The following USP34 variants were observed in gnomAD, a reference collection of about 807,000 sequenced individuals.
USP34 encodes the protein ubiquitin specific peptidase 34.
In USP34, 70 loss-of-function variants were observed where a neutral mutation model predicts 460.3. The ratio of observed to expected loss-of-function variants is 0.15; its 90% CI spans 0.13 to 0.19. The LOEUF (loss-of-function observed/expected upper bound fraction) is 0.19, where lower values mean the gene tolerates loss of function less well. USP34 is among the 10% of genes least tolerant of loss of function. USP34 has a pLI of 1.00. For missense variants in USP34, 3,985 were observed against 4,236.2 expected (o/e 0.94, Z 1.65); for synonymous variants, 1,647 against 1,405.3 (o/e 1.17, Z -3.85).
chr2:61,331,958 T>C (rs1173396728), intron 19 of USP34, among the ~76,000 whole-genome samples: 1 of 152,096 alleles, frequency 6.6e-6, no homozygotes, highest in Non-Finnish European at 1.5e-5. Flanking sequence ...TGCTAAAATG[T>C]ACAGATGTAG....
intron 1 of USP34, among the ~76,000 whole-genome samples, chr2:61,464,227 G>C (rs895473032): frequency 6.6e-6 from 1 of 152,140 alleles, no homozygotes; most frequent in African/African-American, 2.4e-5. Flanking sequence ...GATGAGGCAG[G>C]AGAATCACTT....
intron 69 of USP34, among the ~76,000 whole-genome samples, chr2:61,209,529 T>C (rs901581428): frequency 2.6e-5 from 4 of 152,216 alleles, no homozygotes; most frequent in African/African-American, 9.6e-5. Context: ...TTCATAGCCA[T>C]GGTAACATTC....
chr2:61,389,738 AT>A (rs934637577), intron 5 of USP34, among the ~76,000 whole-genome samples: 4 of 150,946 alleles, frequency 2.6e-5, no homozygotes, highest in African/African-American at 4.9e-5. Context: ...GTCCTTTATC[AT>A]TTTTTTTTAA....
chr2:61,366,275 A>G (rs1008660563), intron 10 of USP34, among the ~76,000 whole-genome samples: 1 of 152,200 alleles, frequency 6.6e-6, no homozygotes, highest in Non-Finnish European at 1.5e-5. Flanking sequence ...AGCTCAGAGT[A>G]AGTTGTAAGA....
intron 7 of USP34, among the ~76,000 whole-genome samples, 177 bp from the exon 8 acceptor site, chr2:61,378,601 G>C (rs1365841925): frequency 6.6e-6 from 1 of 151,982 alleles, no homozygotes; most frequent in African/African-American, 2.4e-5. Context: ...AACTATTTCT[G>C]TTATATTAAA....
At chr2:61,297,023 A>C (rs1304858568) in intron 29 of USP34, 98 bp from the exon 30 acceptor site, 6 of 1,453,320 alleles carry the variant, frequency 4.1e-6, no homozygotes, top group Middle Eastern at 2.5e-4. Context: ...ATTTGCTAAT[A>C]GTTTTTAGCC....
rs1383762257 is a variant in USP34 at position 61,187,691 on chromosome 2, GATA to G, written c.*408_*410del. On this transcript the variant is annotated 3_prime_UTR_variant, in exon 80 of 80. Transcript: ENST00000398571. ...TCCGTATACAAGTAAACTTAATTTT[GATA>G]ATAAGAACCACAGCGATCGGAGGCA... is the stretch of plus-strand genomic sequence containing the variant. 7 of 510,568 alleles carry G rather than the reference GATA, an allele frequency of 1.4e-5. No individual in the cohort carries two copies. Among genetic ancestry groups the G allele is most frequent in the African/African-American group, 4.2e-5 (2 of 47,602 alleles). The allele number at this position is 510,568 out of a possible 1,614,324, so 31.6% of individuals were successfully genotyped here.
Position 61,190,357 on chromosome 2 carries a change from T to A in USP34, c.9787A>T (p.Thr3263Ser). 6.2e-7 allele frequency: 1 copy of A among 1,613,758 alleles called. No homozygotes were observed. Among genetic ancestry groups the A allele is most frequent in the Non-Finnish European group, 8.5e-7 (1 of 1,179,914 alleles). ...TTCTGATACTGGCTTATCAAGTTTG[T>A]AATAAGAGTGCTGATCAAATTGGCA... ...NCANLISTLI[T>S]NLISQYQNLQ... Residue 3263 changes from threonine to serine, a missense_variant, in exon 78 of 80, where the codon ACA (threonine) becomes TCA (serine). Coordinates refer to ENST00000398571, the MANE Select transcript of USP34 (RefSeq NM_014709.4).
At chr2:61,469,795 C>T (rs892324034) in intron 1 of USP34, among the ~76,000 whole-genome samples, 2 of 152,134 alleles carry the variant, frequency 1.3e-5, no homozygotes. Context: ...TAGGCCTTTA[C>T]GCCCAGAAGT....
intron 13 of USP34, 65 bp downstream of exon 13, chr2:61,349,185 G>T: frequency 1.3e-6 from 2 of 1,524,772 alleles, no homozygotes; most frequent in Non-Finnish European, 8.9e-7. Context: ...TAAAATCAAT[G>T]AACTCTAGAA....
chr2:61,237,554 ATTTT>A (rs71403400), intron 53 of USP34, among the ~76,000 whole-genome samples: 132 of 45,132 alleles, frequency 2.9e-3, no homozygotes, highest in African/African-American at 0.011. Context: ...TTTTCTGTGG[ATTTT>A]TTTTTTTTTT....
chr2:61,285,249 G>A (rs1308754240), intron 34 of USP34, among the ~76,000 whole-genome samples: 1 of 152,098 alleles, frequency 6.6e-6, no homozygotes, highest in African/African-American at 2.4e-5. Flanking sequence ...AGCAATTAGG[G>A]AGGCTCAGGT....
At chr2:61,445,840 C>G (rs560613518) in intron 1 of USP34, among the ~76,000 whole-genome samples, 1 of 151,658 alleles carries the variant, frequency 6.6e-6, no homozygotes, top group Non-Finnish European at 1.5e-5. Flanking sequence ...ACCAGCTACT[C>G]GGGAGCCTGA....
At chr2:61,243,887 A>G (rs1329231019) in intron 51 of USP34, among the ~76,000 whole-genome samples, 1 of 151,598 alleles carries the variant, frequency 6.6e-6, no homozygotes, top group Non-Finnish European at 1.5e-5. Flanking sequence ...AAAAGGAGAC[A>G]TTCTAGGCAT....
intron 72 of USP34, among the ~76,000 whole-genome samples, chr2:61,204,962 C>T (rs1225354772): frequency 2.6e-5 from 4 of 152,052 alleles, no homozygotes; most frequent in Non-Finnish European, 5.9e-5. Context: ...GCAAGTGATC[C>T]TCCTGCCTCA....
intron 2 of USP34, among the ~76,000 whole-genome samples, chr2:61,406,714 A>G (rs1407647607): frequency 1.3e-5 from 2 of 151,846 alleles, no homozygotes; most frequent in Non-Finnish European, 2.9e-5. Context: ...AAAAAAAAAA[A>G]AAAATATTGG....
At chr2:61,296,461 CCT>C (rs776474897) in intron 30 of USP34, among the ~76,000 whole-genome samples, 1 of 152,076 alleles carries the variant, frequency 6.6e-6, no homozygotes, top group Non-Finnish European at 1.5e-5. Context: ...CATCATTTCA[CCT>C]CTGTGTATTT....
At chr2:61,378,913 G>GAAAAAAAAAAAAAAAAAAAAAAA (rs34463913) in intron 7 of USP34, among the ~76,000 whole-genome samples, 5 of 57,870 alleles carry the variant, frequency 8.6e-5, no homozygotes, top group Admixed American at 3.4e-4. Flanking sequence ...TCAAAAAAAC[G>GAAAAAAAAAAAAAAAAAAAAAAA]AAAAAAAAAA....
chr2:61,465,434 T>C (rs1296552758), intron 1 of USP34, among the ~76,000 whole-genome samples: 1 of 152,262 alleles, frequency 6.6e-6, no homozygotes, highest in South Asian at 2.1e-4. Flanking sequence ...TTAACGATAC[T>C]GCATTCTGCC....
Sources: allele counts gnomAD v4.1 joint callset (sites outside exome capture counted in the v4.1 genomes callset), GRCh38; gene constraint gnomAD v4.1.1; transcripts MANE v1.5; gene names NCBI Gene and HGNC (gene_info 2026-07-23, HGNC 2026-07-21).